The following ADCY8 variants were observed in gnomAD, a reference collection of about 807,000 sequenced individuals.
ADCY8 encodes adenylate cyclase type 8.
ADCY8 carries 51 observed loss-of-function variants against 119.7 expected under a neutral mutation model. The observed-to-expected ratio is 0.43, with a 90% CI of 0.34 to 0.54. The LOEUF is 0.54. Ranked by LOEUF, ADCY8 falls within the 20% of genes least tolerant of loss-of-function variation. The pLI is 0.03. For missense variants in ADCY8, 1,383 were observed against 1,598.8 expected (o/e 0.87, Z 2.30); for synonymous variants, 665 against 651.0 (o/e 1.02, Z -0.33).
rs1218936364 is a variant in ADCY8, at chr8:130,909,962, G to C, written c.1482-96C>G. ...TTTCTTTTTTTTTTTTTTTGAGACG[G>C]AGTTTTGCTCTGTCGCCCAGGCTGG... On this transcript the variant is annotated intron_variant, in intron 5 of 17. Coordinates refer to ENST00000286355, the MANE Select transcript of ADCY8 (RefSeq NM_001115.3). 9.1e-6 allele frequency: 11 copies of C among 1,210,242 alleles called. No individual in the cohort carries two copies. The African/African-American group carries it at 1.7e-4, about 19-fold the overall frequency. The allele number at this position is 1,210,242 out of a possible 1,614,324, so 75.0% of individuals were successfully genotyped here.
rs1338681656 is a variant in ADCY8, at chr8:131,040,384, G to A, written c.-51C>T. Reference sequence around the variant, plus strand: ...CCAGAACCTTGGGGAGGCAGCCGGAGGAGGGGTTCCTAAAGACTCAAAGGC... The same window carrying A: ...CCAGAACCTTGGGGAGGCAGCCGGAAGAGGGGTTCCTAAAGACTCAAAGGC... On this transcript the variant is annotated 5_prime_UTR_variant, in exon 1 of 18. Transcript: ENST00000286355. The A allele has an allele frequency of 4.2e-6, 6 of 1,439,838 alleles. No homozygotes were observed. The highest frequency in any genetic ancestry group is 5.4e-6 in the Non-Finnish European group (6 of 1,103,656). The allele number at this position is 1,439,838 out of a possible 1,614,324, so 89.2% of individuals were successfully genotyped here.
intron 11 of ADCY8, among the ~76,000 whole-genome samples, chr8:130,837,702 T>A (rs948204058): frequency 5.3e-5 from 8 of 152,218 alleles, no homozygotes; most frequent in African/African-American, 1.9e-4. Flanking sequence ...AGACTCTGAC[T>A]ATCAGGAACA....
At chr8:130,813,500 A>G (rs1456058759) in intron 14 of ADCY8, among the ~76,000 whole-genome samples, 1 of 152,124 alleles carries the variant, frequency 6.6e-6, no homozygotes, top group Non-Finnish European at 1.5e-5. Context: ...TTTTTTGCGA[A>G]TGGCCCATTT....
At chr8:130,812,957 T>A (rs1305485992) in intron 14 of ADCY8, among the ~76,000 whole-genome samples, 1 of 151,782 alleles carries the variant, frequency 6.6e-6, no homozygotes, top group African/African-American at 2.4e-5. Flanking sequence ...GATCTTTTTT[T>A]TTTTTTTTGA....
chr8:130,836,683 C>A lies in ADCY8; in HGVS notation c.2503-234G>T, dbSNP rs112414877. Among the ~76,000 whole-genome samples, 308 of 152,268 alleles carry A rather than the reference C, an allele frequency of 2.0e-3. 1 individual carries two copies. Among genetic ancestry groups the A allele is most frequent in the African/African-American group, 7.1e-3 (297 of 41,564 alleles). ...TTTCCCAAGCCAATAACTTTGGTTT[C>A]ATCTTTGTTGCCTTCTTCCCTACAC... On this transcript the variant is annotated intron_variant, in intron 11 of 17. Transcript: ENST00000286355.
chr8:130,793,178 C>T (rs538359469), intron 15 of ADCY8, among the ~76,000 whole-genome samples: 21 of 152,282 alleles, frequency 1.4e-4, no homozygotes, highest in Non-Finnish European at 2.4e-4. Flanking sequence ...CCTTGCCTGC[C>T]GCCATGCCCC....
At chr8:130,896,816 G>A (rs1306746131) in intron 7 of ADCY8, among the ~76,000 whole-genome samples, 1 of 152,096 alleles carries the variant, frequency 6.6e-6, no homozygotes. Flanking sequence ...TGTAAACAGT[G>A]GATGTCCCCA....
intron 2 of ADCY8, among the ~76,000 whole-genome samples, chr8:130,966,694 C>T (rs1821772885): frequency 6.6e-6 from 1 of 152,198 alleles, no homozygotes; most frequent in Non-Finnish European, 1.5e-5. Context: ...GGTTTGAACC[C>T]TACCTCTGCC....
intron 12 of ADCY8, among the ~76,000 whole-genome samples, chr8:130,834,409 TG>T (rs1157992727): frequency 6.6e-6 from 1 of 152,100 alleles, no homozygotes; most frequent in East Asian, 1.9e-4. Flanking sequence ...ACAGTGTAGG[TG>T]GGAATGAGAG....
chr8:131,014,340 G>C (rs1161383818), intron 1 of ADCY8, among the ~76,000 whole-genome samples: 3 of 152,124 alleles, frequency 2.0e-5, no homozygotes, highest in Non-Finnish European at 4.4e-5. Context: ...GGTCTATAAT[G>C]CTGAGTTATA....
At chr8:130,847,829 G>A (rs779660866) in intron 10 of ADCY8, among the ~76,000 whole-genome samples, 1 of 152,192 alleles carries the variant, frequency 6.6e-6, no homozygotes, top group East Asian at 1.9e-4. Flanking sequence ...AGAAGAGAAA[G>A]CCAGATGGCA....
rs542583416 is a variant in ADCY8, at chr8:130,828,335, C to T, written c.2676-6915G>A. Among the ~76,000 whole-genome samples, 384 of 152,298 alleles carry T rather than the reference C, an allele frequency of 2.5e-3. 3 individuals carry two copies. Among genetic ancestry groups the T allele is most frequent in the African/African-American group, 8.7e-3 (361 of 41,558 alleles). ...GTGATTTTTGAGGAACAGAGGGTCC[C>T]CCCCACCCACAGTGAGTGTCTCTCT... On this transcript the variant is annotated intron_variant, in intron 12 of 17. Transcript: ENST00000286355.
At chr8:130,972,657 C>T (rs753879665) in intron 2 of ADCY8, among the ~76,000 whole-genome samples, 16 of 152,042 alleles carry the variant, frequency 1.1e-4, no homozygotes, top group Non-Finnish European at 1.6e-4. Context: ...ATTTATAAAC[C>T]TGTTTTGTTC....
chr8:131,022,034 T>C (rs116180627), intron 1 of ADCY8, among the ~76,000 whole-genome samples: 1,600 of 152,324 alleles, frequency 0.011, 34 homozygotes, highest in African/African-American at 0.037. Context: ...TTAGTAGGGA[T>C]CTGGGTAAAA....
intron 5 of ADCY8, among the ~76,000 whole-genome samples, chr8:130,912,038 G>A (rs1819997014): frequency 6.6e-6 from 1 of 152,054 alleles, no homozygotes; most frequent in Non-Finnish European, 1.5e-5. Context: ...TGGGACCATG[G>A]TGCTTCCTCA....
At chr8:130,866,283 T>G (rs182808825) in intron 9 of ADCY8, among the ~76,000 whole-genome samples, 1 of 151,978 alleles carries the variant, frequency 6.6e-6, no homozygotes, top group Non-Finnish European at 1.5e-5. Flanking sequence ...CCTCTGCTAA[T>G]TAGGGGGAAG....
At chr8:130,821,565 G>T (rs898827942) in intron 12 of ADCY8, 145 bp from the exon 13 acceptor site, 1 of 618,858 alleles carries the variant, frequency 1.6e-6, no homozygotes, top group Non-Finnish European at 2.9e-6. Context: ...TGCTCTAAGG[G>T]TTTGCACATT....
intron 12 of ADCY8, among the ~76,000 whole-genome samples, chr8:130,830,376 G>T (rs1586458441): frequency 6.6e-6 from 1 of 152,192 alleles, no homozygotes; most frequent in South Asian, 2.1e-4. Flanking sequence ...GGGTGGAGGG[G>T]TCAGCTTTCC....
rs1815741159 is a variant in ADCY8, at chr8:130,800,475, C to T, written c.3011G>A (p.Gly1004Glu). Residue 1004 changes from glycine to glutamate, a missense_variant, in exon 15 of 18, where the codon GGA becomes GAA. Coordinates refer to ENST00000286355, the MANE Select transcript of ADCY8 (RefSeq NM_001115.3). ...FYSQTEMNNQ[G>E]VECLRLLNEI... is the part of the protein sequence containing the mutation. ...ATTGAGCAAGCGCAGGCATTCCACT[C>T]CCTGGTTATTCATTTCAGTCTGAGA... 1.2e-6 allele frequency: 2 copies of T among 1,614,066 alleles called. No homozygotes were observed. The highest frequency in any genetic ancestry group is 2.7e-5 in the African/African-American group (2 of 74,926).
Sources: gnomAD v4.1 joint callset for allele counts (sites outside exome capture counted in the v4.1 genomes callset) on GRCh38, gnomAD v4.1.1 for gene constraint, MANE v1.5 for transcripts, NCBI Gene and HGNC (gene_info 2026-07-23, HGNC 2026-07-21) for gene names.